FAM3D: variants seen among roughly 807,000 people sequenced by gnomAD.
FAM3D encodes the protein protein FAM3D.
A neutral mutation model predicts 29.8 loss-of-function variants in FAM3D; 26 were observed. The observed-to-expected ratio is 0.87, with a 90% CI of 0.64 to 1.21. FAM3D has a LOEUF of 1.21. FAM3D is among the 50% of genes most tolerant of loss of function. The pLI is 0.00. For synonymous variants in FAM3D, 115 were observed against 102.3 expected, an observed-to-expected ratio of 1.12 and a Z score of -0.75; for missense variants, 253 against 290.9, an observed-to-expected ratio of 0.87 and a Z score of 0.95.
chr3:58,646,915 T>C (rs1036280184), intron 4 of FAM3D, among the ~76,000 whole-genome samples: 2 of 152,182 alleles, frequency 1.3e-5, no homozygotes, highest in Non-Finnish European at 1.5e-5. Context: ...GTAGGGACCA[T>C]GAGGTTTCCA....
intron 6 of FAM3D, among the ~76,000 whole-genome samples, chr3:58,642,832 G>A (rs1310984692): frequency 2.6e-5 from 4 of 152,106 alleles, no homozygotes; most frequent in East Asian, 3.9e-4. Flanking sequence ...TACTGCTCTC[G>A]GCTTCCAGTC....
intron 3 of FAM3D, among the ~76,000 whole-genome samples, chr3:58,653,226 GCTGAAA>G (rs2066697478): frequency 6.6e-6 from 1 of 152,200 alleles, no homozygotes; most frequent in Non-Finnish European, 1.5e-5. Context: ...GGCAACCTTA[GCTGAAA>G]CTCGAAGGCT....
intron 4 of FAM3D, among the ~76,000 whole-genome samples, chr3:58,648,426 G>T (rs572010655): frequency 6.6e-6 from 1 of 152,238 alleles, no homozygotes; most frequent in South Asian, 2.1e-4. Flanking sequence ...AGGGGTTGAG[G>T]GGGTGGGCTC....
chr3:58,649,348 A>C lies in FAM3D; in HGVS notation c.122-10T>G. On this transcript the variant is annotated splice_polypyrimidine_tract_variant and intron_variant, in intron 3 of 9. Transcript: ENST00000358781. ...TTGGTGGGCGAGGCTGCTGGAGAGA[A>C]GACAGAATCTGGTTAGAGGAAAAGC... The C allele has an allele frequency of 6.2e-7, 1 of 1,613,680 alleles. No individual in the cohort carries two copies. Among genetic ancestry groups the C allele is most frequent in the Non-Finnish European group, 8.5e-7 (1 of 1,179,806 alleles).
chr3:58,636,006 A>C (rs1465227765), intron 9 of FAM3D, among the ~76,000 whole-genome samples: 1 of 152,070 alleles, frequency 6.6e-6, no homozygotes, highest in Non-Finnish European at 1.5e-5. Context: ...TCGTTCCTTC[A>C]TGCCTCACTT....
intron 6 of FAM3D, 138 bp downstream of exon 6, chr3:58,643,524 C>T (rs1193653861): frequency 9.6e-6 from 9 of 937,928 alleles, no homozygotes; most frequent in African/African-American, 4.8e-5. Context: ...AGGCCAGCCA[C>T]GCTTCCCCTC....
rs552836621 is a variant in FAM3D at position 58,634,160 on chromosome 3, C to A, written c.*119G>T. On this transcript the variant is annotated 3_prime_UTR_variant, in exon 10 of 10. Coordinates refer to ENST00000358781, the MANE Select transcript of FAM3D (RefSeq NM_138805.3). This position sits in a 1 kb window ranked among gnomAD's most constrained non-coding sequence, Gnocchi z 4.6. ...AGAGGCGCGACACAGCGTGCAAGGA[C>A]CTGCAGCACCTTCCACGCAGCACCC... 23 of 841,886 alleles carry A rather than the reference C, an allele frequency of 2.7e-5. 1 individual carries two copies. Among genetic ancestry groups the A allele is most frequent in the Non-Finnish European group, 4.1e-5 (22 of 530,944 alleles). 52.2% of individuals were successfully genotyped at this position (841,886 alleles called of 1,614,324 possible).
chr3:58,663,338 C>T (rs895447197), intron 1 of FAM3D, among the ~76,000 whole-genome samples: 2 of 152,198 alleles, frequency 1.3e-5, no homozygotes, highest in Admixed American at 6.5e-5. Flanking sequence ...GAGCATAGAA[C>T]AACATGGAGA....
At chr3:58,659,818 A>T (rs1446329134) in intron 1 of FAM3D, among the ~76,000 whole-genome samples, 1 of 152,050 alleles carries the variant, frequency 6.6e-6, no homozygotes, top group Non-Finnish European at 1.5e-5. Context: ...CATTACTAAC[A>T]TTTTTCTCCG....
intron 6 of FAM3D, among the ~76,000 whole-genome samples, 185 bp downstream of exon 6, chr3:58,643,477 T>C (rs2066390827): frequency 1.3e-5 from 2 of 152,242 alleles, no homozygotes; most frequent in Non-Finnish European, 2.9e-5. Flanking sequence ...TCTGCGGTTC[T>C]ACAGCTCTGC....
Position 58,634,014 on chromosome 3 carries a change from C to A in FAM3D, c.*265G>T. On this transcript the variant is annotated 3_prime_UTR_variant, in exon 10 of 10. Transcript: ENST00000358781. The surrounding 1 kb of genome is among the most constrained non-coding windows in gnomAD (Gnocchi z 4.6). ...GCAGTTTGTCCTTCCTCAGGACCAG[C>A]CGTCAGCAGTCCCTGACGAAAGCAC... The A allele has an allele frequency of 2.2e-6, 1 of 451,674 alleles. No individual in the cohort carries two copies. The highest frequency in any genetic ancestry group is 3.7e-5 in the South Asian group (1 of 26,876). 28.0% of individuals were successfully genotyped at this position (451,674 alleles called of 1,614,324 possible). A position where few individuals can be genotyped will look rare whatever the true frequency, so the allele number is the denominator to read the frequency against.
intron 4 of FAM3D, among the ~76,000 whole-genome samples, chr3:58,648,522 C>T (rs2066539930): frequency 6.6e-6 from 1 of 152,042 alleles, no homozygotes; most frequent in African/African-American, 2.4e-5. Flanking sequence ...TTCTCGGTGC[C>T]TTAGTTTCCT....
chr3:58,657,193 C>T (rs4681889), intron 1 of FAM3D, among the ~76,000 whole-genome samples: 146,403 of 152,244 alleles, frequency 0.96, 70,666 homozygotes, highest in East Asian at 1. Flanking sequence ...AAAAGACACT[C>T]GGAGGAACCC....
intron 7 of FAM3D, among the ~76,000 whole-genome samples, chr3:58,639,470 A>T (rs2066266907): frequency 6.6e-6 from 1 of 152,212 alleles, no homozygotes; most frequent in East Asian, 1.9e-4. Context: ...GCTGAACATC[A>T]GTAGGACTCC....
chr3:58,649,545 A>ATGTT, intron 3 of FAM3D: 1 of 605,262 alleles, frequency 1.7e-6, no homozygotes, highest in Non-Finnish European at 3.0e-6. Context: ...ATGTGTACAC[A>ATGTT]CACGCACACA....
At chr3:58,643,498 G>A (rs541858130) in intron 6 of FAM3D, among the ~76,000 whole-genome samples, 164 bp downstream of exon 6, 3 of 152,334 alleles carry the variant, frequency 2.0e-5, no homozygotes, top group Admixed American at 2.0e-4. Flanking sequence ...GGGTCTTTGA[G>A]ACCTTCTGTT....
At position 58,658,002 on chromosome 3, in the gene FAM3D, T is replaced by G. The variant is rs117953333; in HGVS notation, c.-38-2401A>C. ...TGGCTAAGTCCGCTTAGGGGTGGTG[T>G]ATGTGCAAGTGGCAGTGGAAAGGGA... On this transcript the variant is annotated intron_variant, in intron 1 of 9. Coordinates refer to ENST00000358781, the MANE Select transcript of FAM3D (RefSeq NM_138805.3). Among the ~76,000 whole-genome samples, 52 of 152,196 alleles carry G rather than the reference T, an allele frequency of 3.4e-4. No homozygotes were observed. In the East Asian group the frequency reaches 9.9e-3, roughly 29 times the overall value.
intron 7 of FAM3D, among the ~76,000 whole-genome samples, chr3:58,637,430 A>G (rs2066206538): frequency 6.6e-6 from 1 of 151,976 alleles, no homozygotes; most frequent in African/African-American, 2.4e-5. Context: ...AGTGAGGGGA[A>G]CTCATCCAGG....
At chr3:58,655,094 C>T (rs992081448) in intron 2 of FAM3D, among the ~76,000 whole-genome samples, 1 of 152,162 alleles carries the variant, frequency 6.6e-6, no homozygotes, top group African/African-American at 2.4e-5. Context: ...AAACCCTGTG[C>T]CCCTGACTCC....
Sources: allele counts gnomAD v4.1 joint callset (sites outside exome capture counted in the v4.1 genomes callset), GRCh38; gene constraint gnomAD v4.1.1; non-coding constraint Gnocchi (gnomAD v3.1); transcripts MANE v1.5; gene names NCBI Gene and HGNC (gene_info 2026-07-23, HGNC 2026-07-21).